Variants in COL12A1 observed in about 807,000 individuals in gnomAD.
The protein encoded by COL12A1 is collagen type XII alpha 1 chain.
Under a neutral mutation model 349.7 loss-of-function variants are expected in COL12A1, and 114 were observed. The ratio of observed to expected loss-of-function variants is 0.33; its 90% CI spans 0.28 to 0.38. The LOEUF (loss-of-function observed/expected upper bound fraction) is 0.38, where lower values mean the gene tolerates loss of function less well. Among genes scored for constraint, COL12A1 ranks in the 10% least tolerant of loss-of-function variants. COL12A1 has a pLI of 1.00. For synonymous variants in COL12A1, 1,369 were observed against 1,329.0 expected (o/e 1.03, Z -0.66); for missense variants, 3,284 against 3,756.9 (o/e 0.87, Z 3.29).
chr6:75,134,078 G>C (rs573776561), intron 32 of COL12A1, 81 bp from the exon 33 acceptor site: 28 of 1,480,536 alleles, frequency 1.9e-5, no homozygotes, highest in South Asian at 6.3e-5. Flanking sequence ...ATATCTCCCA[G>C]GCACCCTAGA....
chr6:75,189,581 AT>A lies in COL12A1; in HGVS notation c.628del (p.Ile210PhefsTer9), dbSNP rs757069984. ...CATTGTGTTGCCACCTTTATATGGA[AT>A]TTTTTTTATTGCAGCAAGAAGTTCA... is the stretch of plus-strand genomic sequence containing the variant. ...RDELLAAIKK[I>X]PYKGGNTMTG... On this transcript the variant is annotated frameshift_variant, in exon 6 of 66. Coordinates refer to ENST00000322507, the MANE Select transcript of COL12A1 (RefSeq NM_004370.6). LOFTEE classifies it high-confidence loss of function. The A allele has an allele frequency of 1.2e-6, 2 of 1,612,614 alleles. No individual in the cohort carries two copies. The highest frequency in any genetic ancestry group is 8.5e-7 in the Non-Finnish European group (1 of 1,179,164).
At chr6:75,120,573 T>G (rs1769306195) in intron 44 of COL12A1, among the ~76,000 whole-genome samples, 1 of 152,216 alleles carries the variant, frequency 6.6e-6, no homozygotes, top group African/African-American at 2.4e-5. Flanking sequence ...TATGAAGTGA[T>G]ATTTGTTGTA....
chr6:75,094,369 T>A (rs984573639), intron 60 of COL12A1, among the ~76,000 whole-genome samples: 9 of 151,992 alleles, frequency 5.9e-5, no homozygotes, highest in South Asian at 2.1e-4. Flanking sequence ...ACAAAAAAAA[T>A]TGCTTAAATA....
intron 58 of COL12A1, among the ~76,000 whole-genome samples, chr6:75,100,092 A>G (rs1224765948): frequency 6.6e-6 from 1 of 152,230 alleles, no homozygotes; most frequent in Non-Finnish European, 1.5e-5. Flanking sequence ...AAAAGGGAGA[A>G]CAGTTTCCTG....
At chr6:75,165,426 T>C in intron 14 of COL12A1, 81 bp downstream of exon 14, 1 of 1,500,522 alleles carries the variant, frequency 6.7e-7, no homozygotes, top group Non-Finnish European at 9.0e-7. Flanking sequence ...AACATTCAAG[T>C]GATTAAACTG....
chr6:75,095,823 C>T (rs1216154137), intron 59 of COL12A1, among the ~76,000 whole-genome samples: 1 of 152,008 alleles, frequency 6.6e-6, no homozygotes, highest in Non-Finnish European at 1.5e-5. Context: ...GTGCAGAAAG[C>T]AATTCCCTTT....
chr6:75,141,351 A>C (rs2149400165), intron 27 of COL12A1, among the ~76,000 whole-genome samples: 1 of 152,318 alleles, frequency 6.6e-6, no homozygotes, highest in South Asian at 2.1e-4. Flanking sequence ...CAAAAGACCA[A>C]CAGGCAATAA....
intron 13 of COL12A1, among the ~76,000 whole-genome samples, chr6:75,173,865 C>T (rs1768772994): frequency 6.6e-6 from 1 of 152,094 alleles, no homozygotes. Flanking sequence ...GAAGATACTT[C>T]AGATTCATTT....
At chr6:75,180,142 G>T (rs998242546) in intron 11 of COL12A1, among the ~76,000 whole-genome samples, 1 of 152,118 alleles carries the variant, frequency 6.6e-6, no homozygotes, top group African/African-American at 2.4e-5. Flanking sequence ...AAAGATATGT[G>T]GTGTATACAT....
Position 75,119,142 on chromosome 6 carries a change from T to G in COL12A1, c.7255A>C (p.Ser2419Arg). The change falls in exon 46 of 66, where the codon AGC becomes CGC. Residue 2419 changes from serine (S) to arginine (R), a missense_variant. Around this residue, in one of 2 missense-constraint regions of COL12A1, gnomAD observed 683 missense variants for 932.1 expected, o/e 0.73. Transcript: ENST00000322507. ...TTAGGGACATTCTTCCTCATGCCGC[T>G]CTCCCAAGTCAAGACTTTCTCCTTG... ...FIKEKVLTWE[S>R]GMRKNVPKVL... 6.2e-7 allele frequency: 1 copy of G among 1,613,908 alleles called. No individual in the cohort carries two copies. Among genetic ancestry groups the G allele is most frequent in the South Asian group, 1.1e-5 (1 of 91,076 alleles).
chr6:75,111,052 G>T (rs918845400), intron 51 of COL12A1, among the ~76,000 whole-genome samples: 2 of 151,902 alleles, frequency 1.3e-5, no homozygotes, highest in Non-Finnish European at 2.9e-5. Flanking sequence ...AGAGGTAATA[G>T]ATATGTTAAT....
intron 50 of COL12A1, 77 bp from the exon 51 acceptor site, chr6:75,113,390 G>A (rs988627651): frequency 9.5e-7 from 1 of 1,050,186 alleles, no homozygotes; most frequent in Non-Finnish European, 1.3e-6. Flanking sequence ...AATAATTCTT[G>A]TTGGAGAGAT....
chr6:75,094,195 T>G (rs1018844078), intron 60 of COL12A1, among the ~76,000 whole-genome samples: 1 of 152,116 alleles, frequency 6.6e-6, no homozygotes, highest in Non-Finnish European at 1.5e-5. Context: ...ATTCTAAGTC[T>G]CTCTGAAATT....
intron 60 of COL12A1, among the ~76,000 whole-genome samples, chr6:75,092,927 G>A (rs974617217): frequency 3.3e-5 from 5 of 152,150 alleles, no homozygotes; most frequent in African/African-American, 1.2e-4. Context: ...CCTGTTGGAT[G>A]TTCCTTTCAC....
intron 52 of COL12A1, 51 bp from the exon 53 acceptor site, chr6:75,106,547 A>C (rs748555817): frequency 1.3e-6 from 2 of 1,521,054 alleles, no homozygotes; most frequent in South Asian, 2.3e-5. Context: ...AAAACATTTT[A>C]TATTGGCACT....
chr6:75,147,707 T>C lies in COL12A1; in HGVS notation c.4385A>G (p.Tyr1462Cys), dbSNP rs768626488. The part of the protein sequence containing the change: ...VNVYSVVEDE[Y>C]SEPLKGTEKT... ...TTCTGTCCCCTTCAGAGGCTCACTATATTCATCTTCTACCACAGAATACAC... is the reference window on the plus strand; with the variant it reads ...TTCTGTCCCCTTCAGAGGCTCACTACATTCATCTTCTACCACAGAATACAC... Residue 1462 changes from tyrosine (Y) to cysteine (C), a missense_variant, in exon 23 of 66, where the codon TAT (tyrosine) becomes TGT (cysteine). By Grantham distance (194) the Tyr-to-Cys change is radical. This residue lies in a region of COL12A1 where 2,601 missense variants were observed against 2,824.8 expected (regional missense o/e 0.92). Coordinates refer to ENST00000322507, the MANE Select transcript of COL12A1 (RefSeq NM_004370.6). 6.2e-7 allele frequency: 1 copy of C among 1,613,054 alleles called. No individual in the cohort carries two copies. Among genetic ancestry groups the C allele is most frequent in the South Asian group, 1.1e-5 (1 of 90,864 alleles).
rs749832842 is a variant in COL12A1, at chr6:75,191,751, C to G, written c.344G>C (p.Gly115Ala). ...PVIGQLTIQT[G>A]SSTKPVEKKP... is the part of the protein sequence containing the mutation. ...CTTCTCCACTGGCTTTGTCGAACTA[C>G]CTGTTTGAACTAAGTTAAAACTTTA... The change falls in exon 5 of 66, where the codon GGT becomes GCT. Residue 115 changes from glycine (G) to alanine (A), a missense_variant. Around this residue, in one of 2 missense-constraint regions of COL12A1, gnomAD observed 2,601 missense variants for 2,824.8 expected, o/e 0.92. Coordinates refer to ENST00000322507, the MANE Select transcript of COL12A1 (RefSeq NM_004370.6). The G allele has an allele frequency of 2.5e-6, 4 of 1,592,500 alleles. No individual in the cohort carries two copies. The highest frequency in any genetic ancestry group is 2.3e-5 in the East Asian group (1 of 43,394).
At chr6:75,140,655 C>CAAAAAAAAAAAAAAAAAAAAAAAAA (rs1236499281) in intron 27 of COL12A1, among the ~76,000 whole-genome samples, 1 of 46,132 alleles carries the variant, frequency 2.2e-5, no homozygotes, top group African/African-American at 9.0e-5. Flanking sequence ...GACTCTGTCT[C>CAAAAAAAAAAAAAAAAAAAAAAAAA]AAAAAAAAAA....
intron 51 of COL12A1, among the ~76,000 whole-genome samples, chr6:75,111,818 C>CT (rs572637717): frequency 0.022 from 3,195 of 146,672 alleles, 43 homozygotes; most frequent in Admixed American, 0.058. Context: ...TTTGTTTTTC[C>CT]TTTTTTTTTT....
Sources: gnomAD v4.1 joint callset for allele counts (sites outside exome capture counted in the v4.1 genomes callset) on GRCh38, gnomAD v4.1.1 for gene constraint, gnomAD v4.1.1 regional missense constraint, MANE v1.5 for transcripts, NCBI Gene and HGNC (gene_info 2026-07-23, HGNC 2026-07-21) for gene names.